Variants in SEM1 observed in about 807,000 individuals in gnomAD.
SEM1 encodes the protein SEM1 26S proteasome subunit, also known as 26S proteasome complex subunit SEM1.
SEM1 carries 3 observed loss-of-function variants against 12.7 expected under a neutral mutation model. The observed-to-expected ratio is 0.24, with a 90% CI of 0.11 to 0.61. SEM1 has a LOEUF of 0.61. Ranked by LOEUF, SEM1 falls within the 20% of genes least tolerant of loss-of-function variation. SEM1 has a pLI of 0.88. For missense variants in SEM1, 59 were observed against 81.3 expected, an observed-to-expected ratio of 0.73 and a Z score of 1.06; for synonymous variants, 30 against 27.8, an observed-to-expected ratio of 1.08 and a Z score of -0.25.
chr7:96,488,756 G>C (rs1243317308), intron 1 of SEM1, among the ~76,000 whole-genome samples: 5 of 152,130 alleles, frequency 3.3e-5, no homozygotes, highest in Admixed American at 3.3e-4. Flanking sequence ...CCCATCCTTA[G>C]TGGTTACTGT....
chr7:96,507,314 A>G (rs1456826538), intron 2 of SEM1, among the ~76,000 whole-genome samples: 4 of 152,114 alleles, frequency 2.6e-5, no homozygotes, highest in African/African-American at 9.7e-5. Context: ...TCAAGGAAAC[A>G]TGGGTCTTTA....
intron 1 of SEM1, chr7:96,496,270 A>G (rs1257203436): frequency 4.0e-6 from 6 of 1,489,486 alleles, no homozygotes; most frequent in African/African-American, 1.4e-5. Context: ...GATATAATCC[A>G]TATCAGTTCC....
intron 1 of SEM1, among the ~76,000 whole-genome samples, chr7:96,701,158 T>G (rs1157164525): frequency 6.6e-6 from 1 of 152,096 alleles, no homozygotes; most frequent in Non-Finnish European, 1.5e-5. Context: ...AAAAGGAGAC[T>G]AATGTTTACT....
At chr7:96,602,477 T>C (rs1807225177) in intron 2 of SEM1, among the ~76,000 whole-genome samples, 1 of 152,168 alleles carries the variant, frequency 6.6e-6, no homozygotes, top group African/African-American at 2.4e-5. Context: ...CTCACCAATA[T>C]CTCCGTCAGA....
chr7:96,684,485 G>A (rs945597395), downstream of SEM1, among the ~76,000 whole-genome samples: 1 of 151,992 alleles, frequency 6.6e-6, no homozygotes, highest in African/African-American at 2.4e-5. Context: ...GGGGGAGGCA[G>A]GGGAGATGAG....
At chr7:96,703,960 T>C (rs1448346801) in intron 1 of SEM1, among the ~76,000 whole-genome samples, 1 of 133,794 alleles carries the variant, frequency 7.5e-6, no homozygotes, top group Admixed American at 7.9e-5. Flanking sequence ...GAGCAAGACC[T>C]TGTCTCTTAA....
At chr7:96,582,174 T>A (rs866466346) in intron 2 of SEM1, among the ~76,000 whole-genome samples, 15 of 151,740 alleles carry the variant, frequency 9.9e-5, no homozygotes, top group South Asian at 2.1e-4. Context: ...GAGAGTTTTT[T>A]GCATGAAGGG....
downstream of SEM1, among the ~76,000 whole-genome samples, chr7:96,618,024 G>A (rs1339024137): frequency 6.6e-6 from 1 of 152,056 alleles, no homozygotes; most frequent in African/African-American, 2.4e-5. Flanking sequence ...TTGGTATCAG[G>A]GTGACATTGG....
At chr7:96,618,290 CT>C (rs913748360), downstream of SEM1, among the ~76,000 whole-genome samples, 8 of 152,186 alleles carry the variant, frequency 5.3e-5, no homozygotes, top group African/African-American at 1.9e-4. Context: ...TATCCATTTC[CT>C]TTACAGGTGA....
intron 2 of SEM1, among the ~76,000 whole-genome samples, chr7:96,559,382 G>A (rs1442997659): frequency 1.3e-5 from 2 of 151,934 alleles, no homozygotes; most frequent in Non-Finnish European, 2.9e-5. Context: ...CCCAGGCTCG[G>A]TTGATTCTCC....
downstream of SEM1, among the ~76,000 whole-genome samples, chr7:96,669,184 T>C (rs1284471862): frequency 1.3e-5 from 2 of 152,182 alleles, no homozygotes; most frequent in African/African-American, 2.4e-5. Context: ...ACTAAAATGC[T>C]GATCTTTAAA....
intron 2 of SEM1, among the ~76,000 whole-genome samples, chr7:96,590,748 T>A (rs1806803721): frequency 6.6e-6 from 1 of 152,176 alleles, no homozygotes; most frequent in South Asian, 2.1e-4. Context: ...TGCAGTCTTG[T>A]CATCTTGTCA....
intron 2 of SEM1, among the ~76,000 whole-genome samples, chr7:96,591,344 AACTGTCAACC>A (rs1313545467): frequency 6.6e-6 from 1 of 152,210 alleles, no homozygotes; most frequent in African/African-American, 2.4e-5. Flanking sequence ...TAAAACAACG[AACTGTCAACC>A]ACCAGAATGG....
intron 2 of SEM1, among the ~76,000 whole-genome samples, chr7:96,555,190 A>G (rs1164972644): frequency 3.3e-5 from 5 of 151,076 alleles, no homozygotes; most frequent in African/African-American, 1.2e-4. Context: ...TTGTGTCTCT[A>G]TTTCCTTCAG....
chr7:96,605,819 T>C (rs964252848), intron 2 of SEM1, among the ~76,000 whole-genome samples: 2 of 152,214 alleles, frequency 1.3e-5, no homozygotes, highest in African/African-American at 4.8e-5. Context: ...TAGAAAATTA[T>C]AGAAATACAC....
chr7:96,544,779 T>C (rs1370259090), intron 2 of SEM1, among the ~76,000 whole-genome samples: 1 of 152,000 alleles, frequency 6.6e-6, no homozygotes, highest in African/African-American at 2.4e-5. Flanking sequence ...GAACAAATGA[T>C]ATTAAGAAAA....
chr7:96,543,186 A>T (rs1805007050), intron 2 of SEM1, among the ~76,000 whole-genome samples: 1 of 151,972 alleles, frequency 6.6e-6, no homozygotes, highest in South Asian at 2.1e-4. Flanking sequence ...CAAATTGTGG[A>T]CATGTACAGA....
chr7:96,624,951 T>C (rs778100331), intron 2 of SEM1, among the ~76,000 whole-genome samples: 4 of 152,146 alleles, frequency 2.6e-5, no homozygotes, highest in Non-Finnish European at 5.9e-5. Flanking sequence ...TAATGCAAAT[T>C]CTAAAAATAC....
chr7:96,535,135 G>A (rs551415560), intron 2 of SEM1, among the ~76,000 whole-genome samples: 4 of 151,872 alleles, frequency 2.6e-5, no homozygotes, highest in Non-Finnish European at 5.9e-5. Context: ...TTTTGTATTT[G>A]CATGTATGGC....
Sources: gnomAD v4.1 joint callset for allele counts (sites outside exome capture counted in the v4.1 genomes callset) on GRCh38, gnomAD v4.1.1 for gene constraint, MANE v1.5 for transcripts, NCBI Gene and HGNC (gene_info 2026-07-23, HGNC 2026-07-21) for gene names.